TBCK: variants seen among roughly 807,000 people sequenced by gnomAD.
TBCK encodes the protein TBC1 domain containing kinase.
TBCK carries 99 observed loss-of-function variants against 113.4 expected under a neutral mutation model. The observed-to-expected ratio is 0.87, with a 90% confidence interval of 0.74 to 1.03. The LOEUF (loss-of-function observed/expected upper bound fraction) is 1.03. Among genes scored for constraint, TBCK ranks in the 50% least tolerant of loss-of-function variants. TBCK has a pLI of 0.00. For synonymous variants in TBCK, 369 were observed against 370.8 expected (o/e 1.00, Z 0.05); for missense variants, 1,045 against 1,061.3 (o/e 0.98, Z 0.21).
intron 22 of TBCK, among the ~76,000 whole-genome samples, chr4:106,193,260 A>G (rs1434700118): frequency 1.3e-5 from 2 of 152,170 alleles, no homozygotes; most frequent in African/African-American, 4.8e-5. Context: ...ATTCTTAAAC[A>G]CCTTCCCAAG....
intron 23 of TBCK, among the ~76,000 whole-genome samples, chr4:106,170,786 T>C (rs28699620): frequency 6.6e-6 from 1 of 152,214 alleles, no homozygotes; most frequent in East Asian, 1.9e-4. Flanking sequence ...TCTATTTTTT[T>C]AATTCTTTCT....
intron 23 of TBCK, among the ~76,000 whole-genome samples, chr4:106,151,888 T>C (rs553646423): frequency 6.6e-6 from 1 of 152,156 alleles, no homozygotes; most frequent in South Asian, 2.1e-4. Flanking sequence ...TTCAGATTGT[T>C]TGTGGTTAGC....
intron 20 of TBCK, among the ~76,000 whole-genome samples, chr4:106,211,677 T>C (rs536419422): frequency 6.6e-6 from 1 of 152,108 alleles, no homozygotes; most frequent in South Asian, 2.1e-4. Context: ...TTTTAGGAAG[T>C]TTTTAACATT....
At chr4:106,077,237 T>G (rs544666124) in intron 25 of TBCK, among the ~76,000 whole-genome samples, 2 of 152,206 alleles carry the variant, frequency 1.3e-5, no homozygotes, top group African/African-American at 4.8e-5. Context: ...ACATACCCCA[T>G]TGACACTATA....
At chr4:106,305,652 G>T (rs911793600) in intron 2 of TBCK, among the ~76,000 whole-genome samples, 6 of 152,168 alleles carry the variant, frequency 3.9e-5, no homozygotes, top group Non-Finnish European at 7.3e-5. Flanking sequence ...GTGAGGCTGA[G>T]ACCTACTGGG....
At chr4:106,290,334 C>T (rs1463222341) in intron 3 of TBCK, among the ~76,000 whole-genome samples, 2 of 152,024 alleles carry the variant, frequency 1.3e-5, no homozygotes, top group East Asian at 1.9e-4. Flanking sequence ...CCTGCCACCA[C>T]GCCTGGTTAA....
At chr4:106,276,217 G>C (rs1560952531) in intron 3 of TBCK, among the ~76,000 whole-genome samples, 1 of 152,090 alleles carries the variant, frequency 6.6e-6, no homozygotes, top group Admixed American at 6.5e-5. Context: ...TATCAGTATG[G>C]GAAAAAGTAA....
chr4:106,189,709 G>A (rs927412507), intron 22 of TBCK, among the ~76,000 whole-genome samples: 2 of 152,028 alleles, frequency 1.3e-5, no homozygotes, highest in African/African-American at 4.8e-5. Context: ...GGTACCTGAT[G>A]TTATTTTAAA....
intron 19 of TBCK, among the ~76,000 whole-genome samples, chr4:106,214,053 C>A (rs547139492): frequency 1.3e-5 from 2 of 152,262 alleles, no homozygotes; most frequent in South Asian, 2.1e-4. Flanking sequence ...CAAGTGGGTC[C>A]CTGACCCCTG....
chr4:106,235,837 A>G (rs1160914352), intron 14 of TBCK, among the ~76,000 whole-genome samples: 2 of 152,072 alleles, frequency 1.3e-5, no homozygotes, highest in South Asian at 2.1e-4. Flanking sequence ...AAATTTCTAG[A>G]AGAGTATTAA....
At chr4:106,316,363 G>C (rs1349398028), upstream of TBCK, 4 of 611,878 alleles carry the variant, frequency 6.5e-6, no homozygotes, top group Admixed American at 2.5e-5. Context: ...GGACGGGGGG[G>C]GTCGATTGAA....
chr4:106,226,125 T>C (rs1020215190), intron 19 of TBCK, among the ~76,000 whole-genome samples: 3 of 152,104 alleles, frequency 2.0e-5, no homozygotes, highest in East Asian at 3.9e-4. Flanking sequence ...GATTGTGCCA[T>C]GGCACTCTAA....
intron 22 of TBCK, among the ~76,000 whole-genome samples, chr4:106,181,607 A>C (rs1188997504): frequency 6.6e-6 from 1 of 152,072 alleles, no homozygotes; most frequent in Non-Finnish European, 1.5e-5. Flanking sequence ...TTATCCCAAC[A>C]CCATTTATTA....
intron 2 of TBCK, among the ~76,000 whole-genome samples, chr4:106,298,543 G>A (rs1357521325): frequency 1.3e-5 from 2 of 152,042 alleles, no homozygotes; most frequent in African/African-American, 4.8e-5. Flanking sequence ...CCGGGAGGCA[G>A]AGCTTGTAGT....
At chr4:106,277,296 T>C (rs1305324222) in intron 3 of TBCK, among the ~76,000 whole-genome samples, 1 of 152,126 alleles carries the variant, frequency 6.6e-6, no homozygotes, top group African/African-American at 2.4e-5. Flanking sequence ...AAAATATTAG[T>C]CATACACATG....
chr4:106,130,634 C>T (rs1396399991), intron 23 of TBCK, among the ~76,000 whole-genome samples: 2 of 147,674 alleles, frequency 1.4e-5, no homozygotes, highest in African/African-American at 2.5e-5. Context: ...ACACACCACA[C>T]AGAAACTGCA....
At chr4:106,066,232 C>T (rs1390318043) in intron 25 of TBCK, among the ~76,000 whole-genome samples, 2 of 151,900 alleles carry the variant, frequency 1.3e-5, no homozygotes, top group Non-Finnish European at 1.5e-5. Flanking sequence ...ATCTGTATGA[C>T]AAAAGACACT....
chr4:106,251,083 A>C (rs768549353), intron 6 of TBCK: 4 of 337,670 alleles, frequency 1.2e-5, no homozygotes, highest in South Asian at 9.9e-5. Flanking sequence ...TTATACCTTC[A>C]GCATTTATGA....
chr4:106,099,539 T>C (rs1741305512), intron 24 of TBCK, among the ~76,000 whole-genome samples: 1 of 152,116 alleles, frequency 6.6e-6, no homozygotes, highest in South Asian at 2.1e-4. Flanking sequence ...ATATATACCA[T>C]AACTAAATAG....
Sources: allele counts gnomAD v4.1 joint callset (sites outside exome capture counted in the v4.1 genomes callset), GRCh38; gene constraint gnomAD v4.1.1; transcripts MANE v1.5; gene names NCBI Gene and HGNC (gene_info 2026-07-23, HGNC 2026-07-21).